RPS6KC1: variants seen among roughly 807,000 people sequenced by gnomAD.
RPS6KC1 encodes the protein inactive ribosomal protein S6 kinase delta-1.
In RPS6KC1, 54 loss-of-function variants were observed where a neutral mutation model predicts 103.8. That is an observed-to-expected ratio of 0.52 (90% CI 0.42 to 0.65). The LOEUF is 0.65. Ranked by LOEUF, RPS6KC1 falls within the 30% of genes least tolerant of loss-of-function variation. The pLI is 0.00. For synonymous variants in RPS6KC1, 439 were observed against 438.7 expected, an observed-to-expected ratio of 1.00 and a Z score of -0.01; for missense variants, 1,151 against 1,253.8, an observed-to-expected ratio of 0.92 and a Z score of 1.24.
chr1:213,756,990 G>A, the RPS6KC1 span, among the ~76,000 whole-genome samples: 4 of 152,132 alleles, frequency 2.6e-5, no homozygotes, highest in South Asian at 6.3e-4. Flanking sequence ...TGTTTTGGGG[G>A]GACAACAAAC....
At chr1:213,694,280 TACAG>T in the RPS6KC1 span, among the ~76,000 whole-genome samples, 4 of 152,164 alleles carry the variant, frequency 2.6e-5, no homozygotes, top group South Asian at 2.1e-4. Flanking sequence ...GATCTCAGAG[TACAG>T]ACAGACAGAC....
chr1:213,093,480 G>C (rs1010423551), intron 3 of RPS6KC1, among the ~76,000 whole-genome samples: 2 of 152,090 alleles, frequency 1.3e-5, no homozygotes, highest in African/African-American at 2.4e-5. Context: ...AAAGTCCTGG[G>C]ATTACAAGTG....
the RPS6KC1 span, among the ~76,000 whole-genome samples, chr1:213,710,371 A>T: frequency 6.6e-6 from 1 of 152,020 alleles, no homozygotes; most frequent in Non-Finnish European, 1.5e-5. Context: ...TTTCTTGGTA[A>T]ATCTTCCTCT....
the RPS6KC1 span, among the ~76,000 whole-genome samples, chr1:213,300,977 C>T: frequency 0.016 from 2,512 of 152,264 alleles, 30 homozygotes; most frequent in Non-Finnish European, 0.025. Context: ...TCACACTCCA[C>T]CCTCACCCTG....
At chr1:213,776,373 G>A in the RPS6KC1 span, among the ~76,000 whole-genome samples, 3 of 151,814 alleles carry the variant, frequency 2.0e-5, no homozygotes, top group African/African-American at 7.3e-5. Flanking sequence ...CTGCAGAATG[G>A]ATGTTGTGTT....
the RPS6KC1 span, among the ~76,000 whole-genome samples, chr1:213,813,219 C>G: frequency 6.6e-6 from 1 of 152,082 alleles, no homozygotes; most frequent in Non-Finnish European, 1.5e-5. Flanking sequence ...CCACTGCACT[C>G]TAGCCTGGGC....
chr1:213,632,667 C>T, the RPS6KC1 span, among the ~76,000 whole-genome samples: 7 of 152,208 alleles, frequency 4.6e-5, no homozygotes, highest in African/African-American at 1.4e-4. Context: ...TCCTCGCCAG[C>T]AATGGAACAA....
At chr1:213,576,049 G>A in the RPS6KC1 span, among the ~76,000 whole-genome samples, 2 of 152,090 alleles carry the variant, frequency 1.3e-5, no homozygotes, top group Non-Finnish European at 2.9e-5. Context: ...AATGGTTTAG[G>A]TGGGACCTTG....
the RPS6KC1 span, among the ~76,000 whole-genome samples, chr1:213,662,170 A>AG: frequency 6.6e-6 from 1 of 152,158 alleles, no homozygotes; most frequent in South Asian, 2.1e-4. Context: ...ATGTGTGAGG[A>AG]GGGTAAGGGA....
At chr1:213,060,137 T>A (rs1348535563) in intron 1 of RPS6KC1, among the ~76,000 whole-genome samples, 2 of 152,222 alleles carry the variant, frequency 1.3e-5, no homozygotes, top group Non-Finnish European at 2.9e-5. Context: ...ACTTTTTAGT[T>A]TTGTTAGCTT....
chr1:213,220,372 G>T (rs1203009753), intron 8 of RPS6KC1, among the ~76,000 whole-genome samples: 1 of 152,064 alleles, frequency 6.6e-6, no homozygotes, highest in East Asian at 1.9e-4. Context: ...TGTCACCCAG[G>T]GTGGAGTGCA....
At chr1:213,609,557 C>T in the RPS6KC1 span, among the ~76,000 whole-genome samples, 15 of 152,036 alleles carry the variant, frequency 9.9e-5, no homozygotes, top group Non-Finnish European at 1.6e-4. Context: ...GAGGCTTGTG[C>T]ATCCCCGGAA....
the RPS6KC1 span, among the ~76,000 whole-genome samples, chr1:213,767,460 C>T: frequency 6.6e-6 from 1 of 152,132 alleles, no homozygotes; most frequent in Non-Finnish European, 1.5e-5. Flanking sequence ...CAAATCCTAC[C>T]AAGCCTGCAA....
At chr1:213,117,653 C>T (rs1054549948) in intron 5 of RPS6KC1, among the ~76,000 whole-genome samples, 13 of 151,584 alleles carry the variant, frequency 8.6e-5, no homozygotes, top group African/African-American at 1.5e-4. Flanking sequence ...ATGATTCATC[C>T]TCCAATTAAT....
In RPS6KC1 at chr1:213,178,800, C is replaced by T. The variant is rs78053222; in HGVS notation, c.1044+2308C>T. Among the ~76,000 whole-genome samples the T allele has an allele frequency of 1.5e-4, 23 of 152,042 alleles. No individual in the cohort carries two copies. In the East Asian group the frequency reaches 2.7e-3, roughly 18 times the overall value. ...CACAATCTTGGCTCACTGCAGCCTC[C>T]GCCTCGTGGGTTCAAACAATTCTTC... On this transcript the variant is annotated intron_variant, in intron 8 of 14. Coordinates refer to ENST00000366960, the MANE Select transcript of RPS6KC1 (RefSeq NM_012424.6).
the RPS6KC1 span, among the ~76,000 whole-genome samples, chr1:213,482,573 G>T: frequency 5.7e-5 from 3 of 52,946 alleles, no homozygotes; most frequent in East Asian, 9.0e-4. Flanking sequence ...TTTTTGAGAT[G>T]GAGTCTTGCT....
chr1:213,400,404 T>G, the RPS6KC1 span, among the ~76,000 whole-genome samples: 1 of 152,236 alleles, frequency 6.6e-6, no homozygotes, highest in African/African-American at 2.4e-5. Flanking sequence ...AATGACTGAA[T>G]GAACAAATGT....
the RPS6KC1 span, among the ~76,000 whole-genome samples, chr1:213,833,433 T>C: frequency 6.6e-6 from 1 of 152,214 alleles, no homozygotes; most frequent in Admixed American, 6.5e-5. Context: ...GCTCATTTAT[T>C]TGTTTGTGAA....
At chr1:213,226,951 G>A (rs2093978059) in intron 8 of RPS6KC1, among the ~76,000 whole-genome samples, 1 of 152,156 alleles carries the variant, frequency 6.6e-6, no homozygotes, top group Non-Finnish European at 1.5e-5. Context: ...GAAGAAACCT[G>A]GAGCCAGACT....
Sources: allele counts gnomAD v4.1 joint callset (sites outside exome capture counted in the v4.1 genomes callset), GRCh38; gene constraint gnomAD v4.1.1; transcripts MANE v1.5; gene names NCBI Gene and HGNC (gene_info 2026-07-23, HGNC 2026-07-21).